The following ZNF565 variants were observed in gnomAD, a reference collection of about 807,000 sequenced individuals.
ZNF565 encodes the protein zinc finger protein 565.
A neutral mutation model predicts 39.4 loss-of-function variants in ZNF565; 27 were observed. That is an observed-to-expected ratio of 0.69 (90% CI 0.51 to 0.95). The LOEUF (loss-of-function observed/expected upper bound fraction) is 0.95. ZNF565 is among the 40% of genes least tolerant of loss of function. The probability of loss-of-function intolerance (pLI) is 0.00; values close to 1 mark genes in which losing one functional copy is unlikely to be tolerated. For synonymous variants in ZNF565, 185 were observed against 216.6 expected (o/e 0.85, Z 1.28); for missense variants, 524 against 621.1 (o/e 0.84, Z 1.66).
Position 36,182,445 on chromosome 19 carries a change from A to G in ZNF565, c.*21T>C. The G allele has an allele frequency of 1.3e-6, 2 of 1,532,560 alleles. No individual in the cohort carries two copies. The highest frequency in any genetic ancestry group is 2.6e-5 in the South Asian group (2 of 76,966). 94.9% of individuals were successfully genotyped at this position (1,532,560 alleles called of 1,614,324 possible). ...GAACTCCACATAAAGGCTTATCTTT[A>G]TCCCTTACACTCAAGGCTTTCTAAC... On this transcript the variant is annotated 3_prime_UTR_variant, in exon 5 of 5. Transcript: ENST00000304116.
chr19:36,182,893 G>T lies in ZNF565; in HGVS notation c.1073C>A (p.Ser358Tyr), dbSNP rs572344058. Reference protein sequence around the residue: ...SEVTRHQRIHSGEKPYECKEC... With the variant: ...SEVTRHQRIHYGEKPYECKEC... ...CTTACACTCATAGGGTTTCTCCCCA[G>T]AATGAATTCTTTGATGTCGAGTAAC... The change falls in exon 5 of 5, where the codon TCT (serine) becomes TAT (tyrosine). Residue 358 changes from serine (S) to tyrosine (Y), a missense_variant. Physicochemically the swap from Ser to Tyr is moderately radical, Grantham distance 144. Transcript: ENST00000304116. The T allele has an allele frequency of 9.3e-6, 15 of 1,614,104 alleles. No homozygotes were observed. Among genetic ancestry groups the T allele is most frequent in the Non-Finnish European group, 1.3e-5 (15 of 1,180,038 alleles).
intron 1 of ZNF565, among the ~76,000 whole-genome samples, chr19:36,222,209 C>T (rs1331507828): frequency 1.3e-5 from 2 of 152,124 alleles, no homozygotes; most frequent in Non-Finnish European, 2.9e-5. Flanking sequence ...CAAGTGTGAG[C>T]CACTGCACCC....
chr19:36,240,589 C>T (rs1977781113), intron 1 of ZNF565, among the ~76,000 whole-genome samples: 1 of 152,184 alleles, frequency 6.6e-6, no homozygotes, highest in Non-Finnish European at 1.5e-5. Context: ...CATGAAGGGG[C>T]TGGTCGTGGT....
chr19:36,190,316 C>A (rs888716923), intron 4 of ZNF565, among the ~76,000 whole-genome samples: 1 of 151,980 alleles, frequency 6.6e-6, no homozygotes, highest in Non-Finnish European at 1.5e-5. Context: ...GTGGCTCACG[C>A]CTGTAATCCC....
At chr19:36,219,311 G>A (rs1976742792), upstream of ZNF565, among the ~76,000 whole-genome samples, 1 of 152,010 alleles carries the variant, frequency 6.6e-6, no homozygotes, top group Non-Finnish European at 1.5e-5. Flanking sequence ...ACAGGTGTGT[G>A]CCACCACGAC....
At chr19:36,229,652 GTATAT>G (rs964334868) in intron 1 of ZNF565, among the ~76,000 whole-genome samples, 42 of 152,152 alleles carry the variant, frequency 2.8e-4, no homozygotes, top group Admixed American at 2.2e-3. Context: ...ATAAATGGTG[GTATAT>G]TATATATTCT....
At chr19:36,227,391 A>C (rs980902018) in intron 1 of ZNF565, among the ~76,000 whole-genome samples, 30 of 88,192 alleles carry the variant, frequency 3.4e-4, no homozygotes, top group African/African-American at 1.3e-3. Context: ...CTCTGTCACA[A>C]AAAAAAAAAA....
At chr19:36,208,262 A>C (rs1333785126) in intron 1 of ZNF565, among the ~76,000 whole-genome samples, 1 of 147,166 alleles carries the variant, frequency 6.8e-6, no homozygotes, top group Non-Finnish European at 1.5e-5. Context: ...CCCAGGCTGG[A>C]GGGCAGTGGC....
chr19:36,239,993 TTAGA>T (rs1977771032), intron 1 of ZNF565, among the ~76,000 whole-genome samples: 1 of 152,200 alleles, frequency 6.6e-6, no homozygotes, highest in Admixed American at 6.5e-5. Flanking sequence ...TTTGGAGGAA[TTAGA>T]TACTTAAATG....
At chr19:36,202,509 C>A (rs952592994) in intron 1 of ZNF565, among the ~76,000 whole-genome samples, 1 of 152,134 alleles carries the variant, frequency 6.6e-6, no homozygotes, top group Non-Finnish European at 1.5e-5. Context: ...AGCACTGACA[C>A]AGAACCCAGG....
intron 4 of ZNF565, among the ~76,000 whole-genome samples, chr19:36,188,475 G>A (rs984283974): frequency 6.6e-6 from 1 of 151,990 alleles, no homozygotes; most frequent in African/African-American, 2.4e-5. Context: ...ACTTTGGGAG[G>A]CTGAGGCGTG....
chr19:36,215,166 C>A (rs1377642298), upstream of ZNF565: 1 of 152,352 alleles, frequency 6.6e-6, no homozygotes, highest in Admixed American at 6.5e-5. Context: ...GTCAGTACGG[C>A]CCCTGGGTCC....
chr19:36,192,742 T>C (rs1975605251), intron 4 of ZNF565, among the ~76,000 whole-genome samples: 1 of 151,830 alleles, frequency 6.6e-6, no homozygotes, highest in African/African-American at 2.4e-5. Context: ...CTTCAAGTGA[T>C]CTTCCCACCT....
chr19:36,214,738 A>C (rs1458929872), upstream of ZNF565: 1 of 152,420 alleles, frequency 6.6e-6, no homozygotes, highest in African/African-American at 2.4e-5. Flanking sequence ...CCAGAGCTAG[A>C]TCGGCCACGG....
At chr19:36,211,749 C>T (rs1166580555) in intron 1 of ZNF565, among the ~76,000 whole-genome samples, 4 of 151,234 alleles carry the variant, frequency 2.6e-5, no homozygotes, top group South Asian at 2.1e-4. Flanking sequence ...GCCGAGCTCG[C>T]GCCACTGCAC....
At chr19:36,205,534 A>C (rs1976121031) in intron 1 of ZNF565, among the ~76,000 whole-genome samples, 1 of 152,172 alleles carries the variant, frequency 6.6e-6, no homozygotes, top group Admixed American at 6.6e-5. Context: ...TCTCCAAAAC[A>C]AAAAAGAAAG....
chr19:36,183,198 A>G lies in ZNF565; in HGVS notation c.768T>C (p.Cys256=), dbSNP rs1343348413. 4 of 1,614,074 alleles carry G rather than the reference A, an allele frequency of 2.5e-6. No individual in the cohort carries two copies. The highest frequency in any genetic ancestry group is 2.2e-5 in the East Asian group (1 of 44,850). Reference sequence around the variant, plus strand: ...GTGAATGCTGCCTAAAGGTCTTCCCACATTCTTTACATTCATAAGGTTTGA... The same window carrying G: ...GTGAATGCTGCCTAAAGGTCTTCCCGCATTCTTTACATTCATAAGGTTTGA... ...TGVKPYECKE[C]GKTFRQHSQL... Residue 256 remains cysteine, a synonymous_variant, in exon 5 of 5, where the codon TGT becomes TGC. Coordinates refer to ENST00000304116, the MANE Select transcript of ZNF565 (RefSeq NM_152477.5).
chr19:36,191,306 TTTTC>T (rs1229503109), intron 4 of ZNF565, among the ~76,000 whole-genome samples: 3 of 149,914 alleles, frequency 2.0e-5, no homozygotes, highest in Non-Finnish European at 4.4e-5. Context: ...TTCCTACCAT[TTTTC>T]TTTCTTTTTT....
rs776489251 is a variant in ZNF565 at position 36,182,509 on chromosome 19, A to G, written c.1457T>C (p.Leu486Pro). The stretch of plus-strand genomic sequence containing the variant: ...GTAGTGTTCAATGAGTTGTGAGCCA[A>G]GAATAAATGCCTGCCCACACTCTCT... Reference protein sequence around the residue: ...ECRECGQAFILGSQLIEHYRI... With the variant: ...ECRECGQAFIPGSQLIEHYRI... Residue 486 changes from leucine to proline, a missense_variant, in exon 5 of 5, where the codon CTT becomes CCT. Coordinates refer to ENST00000304116, the MANE Select transcript of ZNF565 (RefSeq NM_152477.5). 5.0e-6 allele frequency: 8 copies of G among 1,596,590 alleles called. No individual in the cohort carries two copies. Among genetic ancestry groups the G allele is most frequent in the Non-Finnish European group, 6.8e-6 (8 of 1,171,682 alleles).
Sources: allele counts gnomAD v4.1 joint callset (sites outside exome capture counted in the v4.1 genomes callset), GRCh38; gene constraint gnomAD v4.1.1; transcripts MANE v1.5; gene names NCBI Gene and HGNC (gene_info 2026-07-23, HGNC 2026-07-21).